PRKCE: variants seen among roughly 807,000 people sequenced by gnomAD.
The protein encoded by PRKCE is protein kinase C epsilon type.
In PRKCE, 16 loss-of-function variants were observed where a neutral mutation model predicts 85.4. The observed-to-expected ratio is 0.19, with a 90% confidence interval of 0.13 to 0.28. PRKCE has a LOEUF of 0.28. Among genes scored for constraint, PRKCE ranks in the 10% least tolerant of loss-of-function variants. PRKCE has a pLI of 1.00. For synonymous variants in PRKCE, 388 were observed against 371.5 expected (o/e 1.04, Z -0.51); for missense variants, 573 against 975.2 (o/e 0.59, Z 5.49).
chr2:45,796,902 A>T (rs767711628), intron 1 of PRKCE, among the ~76,000 whole-genome samples: 3 of 152,190 alleles, frequency 2.0e-5, no homozygotes, highest in Non-Finnish European at 4.4e-5. Flanking sequence ...ATAGGCACGA[A>T]CCACCATGTC....
At chr2:45,864,661 G>A (rs556058720) in intron 2 of PRKCE, among the ~76,000 whole-genome samples, 4 of 152,246 alleles carry the variant, frequency 2.6e-5, no homozygotes, top group African/African-American at 9.6e-5. Flanking sequence ...AGGGATCCCA[G>A]GTTGCTTGCT....
chr2:46,014,194 A>T (rs1402242330), intron 10 of PRKCE, among the ~76,000 whole-genome samples: 1 of 152,236 alleles, frequency 6.6e-6, no homozygotes, highest in Non-Finnish European at 1.5e-5. Flanking sequence ...TTTTAATTTC[A>T]GTCAAATTCA....
Position 46,007,624 on chromosome 2 carries a change from A to C in PRKCE, c.1226A>C (p.Asn409Thr). Reference sequence around the variant, plus strand: ...AAGCGCCTGGGCCTGGATGAGTTCAACTTCATCAAGGTGTTGGGCAAAGGC... The same window carrying C: ...AAGCGCCTGGGCCTGGATGAGTTCACCTTCATCAAGGTGTTGGGCAAAGGC... ...QAKRLGLDEFNFIKVLGKGSF... is the reference protein window; with the variant it reads ...QAKRLGLDEFTFIKVLGKGSF... The change falls in exon 9 of 15, where the codon AAC (asparagine) becomes ACC (threonine). Residue 409 changes from asparagine to threonine, a missense_variant. By Grantham distance (65) the Asn-to-Thr change is moderately conservative. This residue lies in a region of PRKCE where 117 missense variants were observed against 104.8 expected (regional missense o/e 1.12). Transcript: ENST00000306156. 1 of 1,599,802 alleles carries C rather than the reference A, an allele frequency of 6.3e-7. No homozygotes were observed. Among genetic ancestry groups the C allele is most frequent in the Non-Finnish European group, 8.5e-7 (1 of 1,179,960 alleles).
At chr2:45,723,836 C>G (rs1680828806) in intron 1 of PRKCE, among the ~76,000 whole-genome samples, 1 of 152,170 alleles carries the variant, frequency 6.6e-6, no homozygotes, top group African/African-American at 2.4e-5. Context: ...AACTCCTGAC[C>G]TCGTGATCTG....
intron 2 of PRKCE, among the ~76,000 whole-genome samples, chr2:45,879,550 C>A (rs984737542): frequency 2.6e-5 from 4 of 152,220 alleles, no homozygotes; most frequent in Non-Finnish European, 1.5e-5. Context: ...TAACACATGA[C>A]CTCTGGGGCT....
chr2:46,058,733 T>C (rs1666839017), intron 10 of PRKCE, among the ~76,000 whole-genome samples: 1 of 152,190 alleles, frequency 6.6e-6, no homozygotes, highest in African/African-American at 2.4e-5. Context: ...TCTTGCTCTG[T>C]CACCCAGGCT....
intron 1 of PRKCE, among the ~76,000 whole-genome samples, chr2:45,772,778 T>C (rs1280444875): frequency 6.6e-6 from 1 of 152,076 alleles, no homozygotes; most frequent in Non-Finnish European, 1.5e-5. Context: ...TCAGGGAGTG[T>C]ATCTCGGGGA....
intron 1 of PRKCE, among the ~76,000 whole-genome samples, chr2:45,820,503 A>C (rs534060612): frequency 6.6e-6 from 1 of 152,258 alleles, no homozygotes; most frequent in East Asian, 1.9e-4. Flanking sequence ...TGGCTGAGGC[A>C]TAAGGGGGTG....
intron 2 of PRKCE, among the ~76,000 whole-genome samples, chr2:45,924,973 A>G (rs1299796089): frequency 6.6e-6 from 1 of 152,182 alleles, no homozygotes; most frequent in Non-Finnish European, 1.5e-5. Flanking sequence ...ACCAGCCTGC[A>G]GACATCAAGG....
chr2:45,846,520 G>T (rs909155429), intron 2 of PRKCE, among the ~76,000 whole-genome samples: 1 of 152,124 alleles, frequency 6.6e-6, no homozygotes, highest in Non-Finnish European at 1.5e-5. Context: ...AGGATACAAA[G>T]GAATAGGAAT....
chr2:46,011,317 G>A (rs1355725608), intron 10 of PRKCE, among the ~76,000 whole-genome samples: 1 of 152,240 alleles, frequency 6.6e-6, no homozygotes, highest in Non-Finnish European at 1.5e-5. Context: ...TGACATCATG[G>A]AGAGGTGATA....
At chr2:46,151,676 C>T (rs914295305) in intron 13 of PRKCE, among the ~76,000 whole-genome samples, 2 of 152,176 alleles carry the variant, frequency 1.3e-5, no homozygotes, top group Non-Finnish European at 2.9e-5. Flanking sequence ...AGGGTGGGCA[C>T]CGCCCACCTG....
chr2:45,839,628 G>C (rs1691185815), intron 1 of PRKCE, among the ~76,000 whole-genome samples: 1 of 152,226 alleles, frequency 6.6e-6, no homozygotes, highest in Non-Finnish European at 1.5e-5. Context: ...GGGTTGTGCA[G>C]GGCTGGGCAC....
chr2:45,769,876 A>G (rs2104901385), intron 1 of PRKCE, among the ~76,000 whole-genome samples: 1 of 152,314 alleles, frequency 6.6e-6, no homozygotes, highest in East Asian at 1.9e-4. Context: ...GTGAGGAGGA[A>G]CCCTTCTGAG....
Position 45,669,786 on chromosome 2 carries a change from G to A in PRKCE, c.348+17338G>A, listed in dbSNP as rs143648674. On this transcript the variant is annotated intron_variant, in intron 1 of 14. Coordinates refer to ENST00000306156, the MANE Select transcript of PRKCE (RefSeq NM_005400.3). ...AGAACTTGGGGAGGCCAAGGTGGGC[G>A]TATCACTTGATGTCAGGAGTTCAAG... 4.7e-3 allele frequency among the ~76,000 whole-genome samples: 722 copies of A among 152,282 alleles called. 2 individuals are homozygous for A. The highest frequency in any genetic ancestry group is 7.5e-3 in the Non-Finnish European group (508 of 68,020).
intron 5 of PRKCE, among the ~76,000 whole-genome samples, chr2:45,983,458 CT>C (rs1309595611): frequency 6.6e-6 from 1 of 152,182 alleles, no homozygotes; most frequent in East Asian, 1.9e-4. Context: ...AGCTGCTCCA[CT>C]AAAGACATAG....
intron 1 of PRKCE, among the ~76,000 whole-genome samples, chr2:45,820,367 G>A (rs190426420): frequency 1.3e-5 from 2 of 152,020 alleles, no homozygotes; most frequent in African/African-American, 4.8e-5. Context: ...TAATAGATTC[G>A]AGGTGGAAGT....
intron 5 of PRKCE, 48 bp from the exon 6 acceptor site, chr2:45,984,503 G>A: frequency 6.3e-7 from 1 of 1,584,140 alleles, no homozygotes; most frequent in Non-Finnish European, 8.6e-7. Context: ...AAGTCTTCTG[G>A]GGAACTGAGG....
intron 1 of PRKCE, among the ~76,000 whole-genome samples, chr2:45,712,137 C>CTTTTT (rs34233761): frequency 1.3e-4 from 6 of 45,838 alleles, no homozygotes; most frequent in Non-Finnish European, 1.8e-4. Flanking sequence ...ACGGCCTGTC[C>CTTTTT]TTTTTTTTTT....
Sources: allele counts gnomAD v4.1 joint callset (sites outside exome capture counted in the v4.1 genomes callset), GRCh38; gene constraint gnomAD v4.1.1; regional missense constraint gnomAD v4.1.1; transcripts MANE v1.5; gene names NCBI Gene and HGNC (gene_info 2026-07-23, HGNC 2026-07-21).